Variants in WWOX observed in about 807,000 individuals in gnomAD.
WWOX encodes WW domain-containing oxidoreductase.
In WWOX, 69 loss-of-function variants were observed where a neutral mutation model predicts 46.2. The ratio of observed to expected loss-of-function variants is 1.49; its 90% confidence interval spans 1.23 to 1.82. The LOEUF (loss-of-function observed/expected upper bound fraction) is 1.82. Ranked by LOEUF, WWOX falls within the 40% of genes most tolerant of loss-of-function variation. The pLI is 0.00. For missense variants in WWOX, 919 were observed against 542.6 expected (o/e 1.69, Z -6.89); for synonymous variants, 359 against 202.6 (o/e 1.77, Z -6.56).
rs75928951 is a variant in WWOX at position 78,376,273 on chromosome 16, C to T, written c.517-10587C>T. ...GAATGTAAGTAAAAAGTTCACAAAG[C>T]TAGTGAAGTATGTGGGGGCGGTTTT... On this transcript the variant is annotated intron_variant, in intron 5 of 8. Coordinates refer to ENST00000566780, the MANE Select transcript of WWOX (RefSeq NM_016373.4). Among the ~76,000 whole-genome samples, 82 of 152,276 alleles carry T rather than the reference C, an allele frequency of 5.4e-4. 2 individuals are homozygous for T. The East Asian group carries it at 0.014, about 27-fold the overall frequency.
At chr16:78,532,766 T>C (rs967896414) in intron 8 of WWOX, among the ~76,000 whole-genome samples, 3 of 151,780 alleles carry the variant, frequency 2.0e-5, no homozygotes, top group African/African-American at 7.3e-5. Context: ...TTGAGACTTA[T>C]TTGCTATTGT....
chr16:78,765,284 G>T (rs967835856), intron 8 of WWOX, among the ~76,000 whole-genome samples: 38 of 152,234 alleles, frequency 2.5e-4, no homozygotes, highest in African/African-American at 9.2e-4. Flanking sequence ...TAGAGGATGG[G>T]CTTAGGGACA....
chr16:78,647,961 T>G (rs891167369), intron 8 of WWOX, among the ~76,000 whole-genome samples: 13 of 152,206 alleles, frequency 8.5e-5, no homozygotes, highest in African/African-American at 2.9e-4. Context: ...ATATGAACGG[T>G]GGGCTTTTCT....
At chr16:78,620,437 A>C (rs1028767047) in intron 8 of WWOX, among the ~76,000 whole-genome samples, 1 of 152,194 alleles carries the variant, frequency 6.6e-6, no homozygotes, top group South Asian at 2.1e-4. Flanking sequence ...TGCTTGGGAC[A>C]TTCAAGGCCG....
At chr16:78,800,266 T>C (rs1427695000) in intron 8 of WWOX, among the ~76,000 whole-genome samples, 1 of 151,748 alleles carries the variant, frequency 6.6e-6, no homozygotes, top group African/African-American at 2.4e-5. Flanking sequence ...AAAGTCGAGC[T>C]TTTCAGCCAC....
intron 5 of WWOX, among the ~76,000 whole-genome samples, chr16:78,233,232 T>C (rs2037326274): frequency 6.6e-6 from 1 of 152,226 alleles, no homozygotes; most frequent in Admixed American, 6.5e-5. Flanking sequence ...ATTTCACAGA[T>C]ATGCAGATTT....
intron 8 of WWOX, among the ~76,000 whole-genome samples, chr16:78,617,791 A>G (rs879664470): frequency 2.0e-5 from 3 of 152,178 alleles, no homozygotes; most frequent in Admixed American, 1.3e-4. Flanking sequence ...TGTTGCCTCC[A>G]GCATCCCAGG....
Position 78,442,998 on chromosome 16 carries a change from C to T in WWOX, c.1056+10246C>T, listed in dbSNP as rs949561571. ...ATTAGCCAGGCGTGGTGGTGGGGCGCGGTCGTGGGTGCCTGTAGTCCCAGC... is the reference window on the plus strand; with the variant it reads ...ATTAGCCAGGCGTGGTGGTGGGGCGTGGTCGTGGGTGCCTGTAGTCCCAGC... On this transcript the variant is annotated intron_variant, in intron 8 of 8. Transcript: ENST00000566780. Among the ~76,000 whole-genome samples the T allele has an allele frequency of 1.3e-4, 19 of 151,788 alleles. 1 individual carries two copies. The highest frequency in any genetic ancestry group is 3.3e-4 in the Admixed American group (5 of 15,226).
intron 8 of WWOX, among the ~76,000 whole-genome samples, chr16:78,781,301 C>T (rs2050317632): frequency 1.3e-5 from 2 of 152,114 alleles, no homozygotes; most frequent in African/African-American, 2.4e-5. Flanking sequence ...ACCTCAATTT[C>T]TAAAAAGTTG....
chr16:78,485,142 T>C (rs376587499), intron 8 of WWOX, among the ~76,000 whole-genome samples: 129 of 149,304 alleles, frequency 8.6e-4, no homozygotes, highest in Non-Finnish European at 1.5e-3. Context: ...ACATGTACTT[T>C]AAAAAAAAAA....
At chr16:78,794,330 C>G (rs554441012) in intron 8 of WWOX, among the ~76,000 whole-genome samples, 56 of 152,184 alleles carry the variant, frequency 3.7e-4, no homozygotes, top group Admixed American at 6.5e-4. Context: ...TCAAAGCTCC[C>G]CAGGAGTCTC....
chr16:78,317,372 G>A (rs1352174816), intron 5 of WWOX, among the ~76,000 whole-genome samples: 1 of 152,124 alleles, frequency 6.6e-6, no homozygotes, highest in East Asian at 1.9e-4. Flanking sequence ...GTTTGTTACA[G>A]TGTGATGGAG....
rs114299473 is a variant in WWOX, at chr16:78,744,050, C to T, written c.1056+311298C>T. On this transcript the variant is annotated intron_variant, in intron 8 of 8. Transcript: ENST00000566780. ...TTATTCAAAACGCCAAGAACCTGGA[C>T]GCCCTCCTCCAGTAACATAATGAAT... Among the ~76,000 whole-genome samples, 1,405 of 152,200 alleles carry T rather than the reference C, an allele frequency of 9.2e-3. 23 individuals are homozygous for T. The highest frequency in any genetic ancestry group is 0.032 in the African/African-American group (1,329 of 41,518).
chr16:79,024,953 T>A (rs2047608010), intron 8 of WWOX, among the ~76,000 whole-genome samples: 1 of 151,450 alleles, frequency 6.6e-6, no homozygotes, highest in South Asian at 2.1e-4. Context: ...GGACACAGAG[T>A]GATGTGAGGC....
At chr16:78,431,396 A>G (rs1044792724) in intron 7 of WWOX, among the ~76,000 whole-genome samples, 3 of 152,268 alleles carry the variant, frequency 2.0e-5, no homozygotes, top group East Asian at 1.9e-4. Flanking sequence ...AGTCTTGGAG[A>G]CAACAAGACT....
chr16:78,401,445 C>A (rs2082411078), intron 6 of WWOX, among the ~76,000 whole-genome samples: 2 of 152,086 alleles, frequency 1.3e-5, no homozygotes, highest in Non-Finnish European at 2.9e-5. Flanking sequence ...CTTTGTGTAG[C>A]CCATCAATTG....
intron 8 of WWOX, among the ~76,000 whole-genome samples, chr16:78,735,023 T>G (rs1167480114): frequency 6.6e-6 from 1 of 151,502 alleles, no homozygotes; most frequent in African/African-American, 2.4e-5. Context: ...CCCACCATCA[T>G]GCCCAGCTAA....
Position 78,811,810 on chromosome 16 carries a change from G to A in WWOX, c.1056+379058G>A, listed in dbSNP as rs950962418. ...ATGGTCAGGGCTTTGACATATGAAT[G>A]AGGGGTAGAGGGACACAAACATTCA... On this transcript the variant is annotated intron_variant, in intron 8 of 8. Transcript: ENST00000566780. Among the ~76,000 whole-genome samples the A allele has an allele frequency of 2.6e-5, 4 of 152,288 alleles. No homozygotes were observed. In the East Asian group the frequency reaches 7.7e-4, roughly 29 times the overall value.
chr16:78,818,119 C>T (rs1333424229), intron 8 of WWOX, among the ~76,000 whole-genome samples: 1 of 152,194 alleles, frequency 6.6e-6, no homozygotes, highest in Non-Finnish European at 1.5e-5. Context: ...CTTTTATAAA[C>T]CTGCCTTGAC....
Sources: gnomAD v4.1 joint callset for allele counts (sites outside exome capture counted in the v4.1 genomes callset) on GRCh38, gnomAD v4.1.1 for gene constraint, MANE v1.5 for transcripts, NCBI Gene and HGNC (gene_info 2026-07-23, HGNC 2026-07-21) for gene names.